SND1: variants seen among roughly 807,000 people sequenced by gnomAD.
SND1 encodes staphylococcal nuclease domain-containing protein 1.
SND1 carries 38 observed loss-of-function variants against 121.7 expected under a neutral mutation model. The observed-to-expected ratio is 0.31, with a 90% CI of 0.24 to 0.41. The LOEUF (loss-of-function observed/expected upper bound fraction) is 0.41, where lower values mean the gene tolerates loss of function less well. Among genes scored for constraint, SND1 ranks in the 10% least tolerant of loss-of-function variants. SND1 has a pLI of 1.00. For synonymous variants in SND1, 401 were observed against 447.4 expected, an observed-to-expected ratio of 0.90 and a Z score of 1.31; for missense variants, 868 against 1,184.6, an observed-to-expected ratio of 0.73 and a Z score of 3.92.
intron 10 of SND1, among the ~76,000 whole-genome samples, chr7:127,722,284 CTG>C (rs767856145): frequency 1.3e-5 from 2 of 150,086 alleles, no homozygotes; most frequent in Non-Finnish European, 3.0e-5. Context: ...GAAGTTACTG[CTG>C]TGTGTACTAT....
intron 10 of SND1, among the ~76,000 whole-genome samples, chr7:127,768,025 A>G (rs1797450838): frequency 6.6e-6 from 1 of 152,188 alleles, no homozygotes; most frequent in South Asian, 2.1e-4. Flanking sequence ...ACCCCTTTCC[A>G]TACGTACCTG....
chr7:127,759,199 T>A (rs1456941763), intron 10 of SND1, among the ~76,000 whole-genome samples: 1 of 152,200 alleles, frequency 6.6e-6, no homozygotes, highest in East Asian at 1.9e-4. Context: ...ATGTAGTATG[T>A]GACTTAAGAT....
At chr7:127,840,292 C>T (rs368829077) in intron 11 of SND1, among the ~76,000 whole-genome samples, 5 of 152,118 alleles carry the variant, frequency 3.3e-5, no homozygotes, top group Admixed American at 2.0e-4. Flanking sequence ...CTAGTGCTCT[C>T]GTTTTTAAGG....
chr7:127,682,240 A>G (rs1352606179), intron 1 of SND1, among the ~76,000 whole-genome samples: 1 of 152,154 alleles, frequency 6.6e-6, no homozygotes, highest in Admixed American at 6.6e-5. Context: ...CACTGTAGGT[A>G]AATCTCCCAG....
chr7:127,827,558 C>G (rs1584602245), intron 11 of SND1, among the ~76,000 whole-genome samples: 1 of 152,154 alleles, frequency 6.6e-6, no homozygotes, highest in South Asian at 2.1e-4. Flanking sequence ...CGCTCCCCAG[C>G]CCTATTAACT....
At chr7:127,924,983 G>A (rs1800800706) in intron 14 of SND1, among the ~76,000 whole-genome samples, 1 of 152,130 alleles carries the variant, frequency 6.6e-6, no homozygotes, top group South Asian at 2.1e-4. Context: ...CTGCCATTCT[G>A]GAGGGTCATT....
At chr7:127,776,965 A>G (rs1584564963) in intron 10 of SND1, among the ~76,000 whole-genome samples, 1 of 152,242 alleles carries the variant, frequency 6.6e-6, no homozygotes, top group South Asian at 2.1e-4. Flanking sequence ...CAGGGAAAGC[A>G]CATTCCTCTT....
chr7:128,041,153 G>C (rs1031936094), intron 16 of SND1, among the ~76,000 whole-genome samples: 1 of 152,102 alleles, frequency 6.6e-6, no homozygotes, highest in Admixed American at 6.5e-5. Flanking sequence ...AGCGGAGGGG[G>C]CCCCGGTGCA....
chr7:128,043,623 A>G (rs1317505252), intron 16 of SND1, among the ~76,000 whole-genome samples: 2 of 150,916 alleles, frequency 1.3e-5, no homozygotes. Context: ...GAAATATATG[A>G]ATGGTGGTGC....
chr7:128,046,562 G>C lies in SND1; in HGVS notation c.1780-27940G>C, dbSNP rs529648969. 2.0e-5 allele frequency among the ~76,000 whole-genome samples: 3 copies of C among 151,732 alleles called. No individual in the cohort carries two copies. In the East Asian group the frequency reaches 5.8e-4, roughly 29 times the overall value. On this transcript the variant is annotated intron_variant, in intron 16 of 23. Transcript: ENST00000354725. The stretch of plus-strand genomic sequence containing the variant: ...TATTTTTAGTAGACATGGGGTGTCA[G>C]CATGTTGGCCAGGCTGGTCTCAAAC...
intron 16 of SND1, among the ~76,000 whole-genome samples, chr7:128,006,166 G>A (rs1490997166): frequency 6.6e-6 from 1 of 152,214 alleles, no homozygotes; most frequent in Non-Finnish European, 1.5e-5. Context: ...CACCAGGAAT[G>A]TAGAGTGGAG....
intron 16 of SND1, among the ~76,000 whole-genome samples, chr7:128,057,284 T>C (rs1023437089): frequency 1.3e-5 from 2 of 152,240 alleles, no homozygotes; most frequent in East Asian, 3.9e-4. Context: ...TCTATAAGAA[T>C]TAGACATCTG....
intron 15 of SND1, among the ~76,000 whole-genome samples, chr7:127,952,963 GA>G (rs1801495972): frequency 6.6e-6 from 1 of 152,004 alleles, no homozygotes; most frequent in African/African-American, 2.4e-5. Flanking sequence ...AGGAGTTCGA[GA>G]CCAGCCCTGG....
At chr7:127,897,032 G>A (rs1800132101) in intron 13 of SND1, among the ~76,000 whole-genome samples, 2 of 152,120 alleles carry the variant, frequency 1.3e-5, no homozygotes, top group African/African-American at 4.8e-5. Context: ...AGCTGATTGT[G>A]AACGGGAAAT....
At chr7:127,692,785 C>T (rs1215103506) in intron 2 of SND1, among the ~76,000 whole-genome samples, 1 of 152,210 alleles carries the variant, frequency 6.6e-6, no homozygotes, top group African/African-American at 2.4e-5. Context: ...AGGCATATGT[C>T]CTTTGCAAGA....
At chr7:127,987,587 A>G (rs1584718205) in intron 15 of SND1, among the ~76,000 whole-genome samples, 2 of 152,354 alleles carry the variant, frequency 1.3e-5, no homozygotes, top group East Asian at 1.9e-4. Context: ...AAGCAAGTCT[A>G]GAAACTGGAT....
intron 15 of SND1, among the ~76,000 whole-genome samples, chr7:127,940,905 T>C (rs554822708): frequency 6.6e-6 from 1 of 152,364 alleles, no homozygotes; most frequent in African/African-American, 2.4e-5. Context: ...CGTCATAGTT[T>C]CAGTCCTGGC....
At chr7:127,850,465 A>G (rs1799144359) in intron 12 of SND1, among the ~76,000 whole-genome samples, 1 of 152,230 alleles carries the variant, frequency 6.6e-6, no homozygotes, top group African/African-American at 2.4e-5. Context: ...TTACAGTGTT[A>G]ATAATGGCAG....
chr7:127,890,671 C>T (rs1162933227), intron 13 of SND1, among the ~76,000 whole-genome samples: 1 of 152,134 alleles, frequency 6.6e-6, no homozygotes, highest in Admixed American at 6.6e-5. Flanking sequence ...CCAGAATAAG[C>T]TCTCTTATTA....
Sources: gnomAD v4.1 joint callset for allele counts (sites outside exome capture counted in the v4.1 genomes callset) on GRCh38, gnomAD v4.1.1 for gene constraint, MANE v1.5 for transcripts, NCBI Gene and HGNC (gene_info 2026-07-23, HGNC 2026-07-21) for gene names.